The following OSTF1 variants were observed in gnomAD, a reference collection of about 807,000 sequenced individuals.
OSTF1 encodes the protein osteoclast-stimulating factor 1.
A neutral mutation model predicts 37.2 loss-of-function variants in OSTF1; 27 were observed. The observed-to-expected ratio is 0.73, with a 90% CI of 0.54 to 1.00. The LOEUF (loss-of-function observed/expected upper bound fraction) is 1.00. Ranked by LOEUF, OSTF1 falls within the 50% of genes least tolerant of loss-of-function variation. The pLI is 0.00. For missense variants in OSTF1, 232 were observed against 253.8 expected (o/e 0.91, Z 0.58); for synonymous variants, 82 against 89.2 (o/e 0.92, Z 0.46).
At position 75,117,287 on chromosome 9, in the gene OSTF1, G is replaced by A. The variant is rs1825506021; in HGVS notation, c.35-217G>A. The stretch of plus-strand genomic sequence containing the variant: ...CCATCTTATGGTGGTATAGAACACT[G>A]GAACTTATTCGTCCTATCTAGGTGT... On this transcript the variant is annotated intron_variant, in intron 1 of 9. Transcript: ENST00000346234. 2.0e-5 allele frequency among the ~76,000 whole-genome samples: 3 copies of A among 152,226 alleles called. No individual in the cohort carries two copies. In the South Asian group the frequency reaches 6.2e-4, roughly 32 times the overall value.
At chr9:75,143,093 C>A (rs1045267958) in intron 9 of OSTF1, among the ~76,000 whole-genome samples, 2 of 152,048 alleles carry the variant, frequency 1.3e-5, no homozygotes, top group Non-Finnish European at 2.9e-5. Context: ...GCATGAGCCA[C>A]GATGCCCGGC....
intron 2 of OSTF1, among the ~76,000 whole-genome samples, chr9:75,122,499 GC>G (rs1564162574): frequency 6.6e-6 from 1 of 152,226 alleles, no homozygotes; most frequent in Non-Finnish European, 1.5e-5. Flanking sequence ...TAGGGGTAGG[GC>G]AGTTGGGAGT....
chr9:75,133,429 C>A, intron 6 of OSTF1, 28 bp downstream of exon 6: 1 of 1,319,796 alleles, frequency 7.6e-7, no homozygotes, highest in Non-Finnish European at 1.1e-6. Flanking sequence ...TTATATGTTT[C>A]TATGCTGCTG....
At chr9:75,145,176 TA>T (rs374944758) in intron 9 of OSTF1, among the ~76,000 whole-genome samples, 4,738 of 43,522 alleles carry the variant, frequency 0.11, 113 homozygotes, top group Admixed American at 0.15. Context: ...TCTATCTATC[TA>T]ATCTATCTAT....
intron 1 of OSTF1, among the ~76,000 whole-genome samples, chr9:75,090,153 T>C (rs967647987): frequency 1.3e-4 from 20 of 152,258 alleles, no homozygotes; most frequent in African/African-American, 4.6e-4. Flanking sequence ...AGTTGTTCTT[T>C]GATAGCTAAA....
intron 8 of OSTF1, among the ~76,000 whole-genome samples, chr9:75,138,839 A>T (rs1001304468): frequency 9.2e-5 from 14 of 152,082 alleles, no homozygotes; most frequent in African/African-American, 3.4e-4. Flanking sequence ...ATGATTAGTC[A>T]CAGAACTGTT....
At chr9:75,124,276 A>G (rs1825627975) in intron 2 of OSTF1, among the ~76,000 whole-genome samples, 1 of 152,204 alleles carries the variant, frequency 6.6e-6, no homozygotes, top group African/African-American at 2.4e-5. Context: ...TGTGTTACAA[A>G]CAATCCAATT....
At chr9:75,104,721 A>T (rs1205473256) in intron 1 of OSTF1, among the ~76,000 whole-genome samples, 7 of 152,204 alleles carry the variant, frequency 4.6e-5, no homozygotes, top group Non-Finnish European at 1.0e-4. Context: ...GCTAACATTT[A>T]TGGGCACGTA....
chr9:75,130,675 G>A (rs373842399), intron 4 of OSTF1, 34 bp downstream of exon 4: 18 of 1,465,200 alleles, frequency 1.2e-5, no homozygotes, highest in East Asian at 4.5e-5. Context: ...CTTTAGCTTC[G>A]TTCACTTGGA....
At chr9:75,123,697 A>G (rs867161181) in intron 2 of OSTF1, among the ~76,000 whole-genome samples, 9 of 152,362 alleles carry the variant, frequency 5.9e-5, no homozygotes, top group South Asian at 4.1e-4. Context: ...ACTTAGCTAG[A>G]TTAGGAAAAC....
chr9:75,090,244 CT>C (rs1254968078), intron 1 of OSTF1, among the ~76,000 whole-genome samples: 1 of 151,960 alleles, frequency 6.6e-6, no homozygotes, highest in Non-Finnish European at 1.5e-5. Context: ...TTAAAAATCT[CT>C]TCATGCGTAT....
intron 1 of OSTF1, among the ~76,000 whole-genome samples, chr9:75,096,171 C>T (rs544069155): frequency 2.6e-5 from 4 of 152,312 alleles, no homozygotes; most frequent in South Asian, 2.1e-4. Context: ...GGATTACAGG[C>T]GTGAGCCACC....
At chr9:75,094,490 T>A in intron 1 of OSTF1, among the ~76,000 whole-genome samples, 1 of 152,072 alleles carries the variant, frequency 6.6e-6, no homozygotes, top group African/African-American at 2.4e-5. Flanking sequence ...TGATAAGCAT[T>A]CCTCCCTTCT....
chr9:75,123,289 G>C (rs1187285558), intron 2 of OSTF1, among the ~76,000 whole-genome samples: 1 of 152,204 alleles, frequency 6.6e-6, no homozygotes, highest in Non-Finnish European at 1.5e-5. Context: ...GGGCGAGGTG[G>C]CAGGCACCTG....
chr9:75,131,331 G>A (rs1825758802), intron 4 of OSTF1, among the ~76,000 whole-genome samples: 1 of 152,164 alleles, frequency 6.6e-6, no homozygotes, highest in Non-Finnish European at 1.5e-5. Flanking sequence ...CCCCTCATCC[G>A]ATCCTACATA....
intron 5 of OSTF1, 110 bp downstream of exon 5, chr9:75,131,933 A>C (rs750629922): frequency 1.3e-6 from 1 of 764,218 alleles, no homozygotes. Flanking sequence ...ATCAAGATCT[A>C]GAACATTTCT....
chr9:75,092,659 T>C (rs1026116084), intron 1 of OSTF1, among the ~76,000 whole-genome samples: 1 of 152,208 alleles, frequency 6.6e-6, no homozygotes, highest in African/African-American at 2.4e-5. Context: ...CTACTGATAA[T>C]CACTATTTAC....
intron 1 of OSTF1, among the ~76,000 whole-genome samples, chr9:75,102,952 G>A (rs1825219504): frequency 6.6e-6 from 1 of 152,090 alleles, no homozygotes; most frequent in African/African-American, 2.4e-5. Flanking sequence ...AAGAGAAAGT[G>A]GATAAGGAGG....
intron 2 of OSTF1, among the ~76,000 whole-genome samples, chr9:75,118,751 A>G (rs1192837286): frequency 1.3e-5 from 2 of 152,210 alleles, no homozygotes; most frequent in African/African-American, 4.8e-5. Context: ...GAAACCCCTT[A>G]TAAAATCAAC....
Sources: gnomAD v4.1 joint callset for allele counts (sites outside exome capture counted in the v4.1 genomes callset) on GRCh38, gnomAD v4.1.1 for gene constraint, MANE v1.5 for transcripts, NCBI Gene and HGNC (gene_info 2026-07-23, HGNC 2026-07-21) for gene names.